ADAM22: variants seen among roughly 807,000 people sequenced by gnomAD.
The protein encoded by ADAM22 is ADAM metallopeptidase domain 22, also known as disintegrin and metalloproteinase domain-containing protein 22.
ADAM22 carries 65 observed loss-of-function variants against 144.6 expected under a neutral mutation model. The observed-to-expected ratio is 0.45, with a 90% CI of 0.37 to 0.55. The LOEUF (loss-of-function observed/expected upper bound fraction) is 0.55. ADAM22 is among the 20% of genes least tolerant of loss of function. The probability of loss-of-function intolerance (pLI) is 0.00; values close to 1 mark genes in which losing one functional copy is unlikely to be tolerated. For synonymous variants in ADAM22, 391 were observed against 412.6 expected (o/e 0.95, Z 0.63); for missense variants, 974 against 1,184.9 (o/e 0.82, Z 2.61).
chr7:87,963,661 T>C (rs1369342060), intron 2 of ADAM22, among the ~76,000 whole-genome samples: 1 of 152,116 alleles, frequency 6.6e-6, no homozygotes, highest in Non-Finnish European at 1.5e-5. Flanking sequence ...GCACAGAACA[T>C]GAAGAAAACA....
chr7:88,182,874 T>C (rs2129538378), intron 29 of ADAM22, among the ~76,000 whole-genome samples: 1 of 152,286 alleles, frequency 6.6e-6, no homozygotes, highest in South Asian at 2.1e-4. Context: ...TTTTACTTAT[T>C]TCTCACTCTA....
At chr7:88,086,240 T>C (rs772614273) in intron 4 of ADAM22, among the ~76,000 whole-genome samples, 2 of 152,194 alleles carry the variant, frequency 1.3e-5, no homozygotes, top group Non-Finnish European at 2.9e-5. Context: ...CCTTGCAATT[T>C]ATTTGTTGAA....
At position 88,076,548 on chromosome 7, in the gene ADAM22, T is replaced by G. The variant is rs148369029; in HGVS notation, c.390+856T>G. Reference sequence around the variant, plus strand: ...CCACCCCACACCTCCACCAGTAAAATGTAAAATTGTTAGATCTACAGGAGA... The same window carrying G: ...CCACCCCACACCTCCACCAGTAAAAGGTAAAATTGTTAGATCTACAGGAGA... On this transcript the variant is annotated intron_variant, in intron 4 of 31. Coordinates refer to ENST00000413139, the MANE Select transcript of ADAM22 (RefSeq NM_001324418.2). Among the ~76,000 whole-genome samples, 190 of 135,038 alleles carry G rather than the reference T, an allele frequency of 1.4e-3. 3 individuals carry two copies. The highest frequency in any genetic ancestry group is 5.1e-3 in the African/African-American group (182 of 35,916). 88.6% of individuals were successfully genotyped at this position (135,038 alleles called of 152,430 possible).
chr7:88,185,513 A>T (rs1310916520), intron 29 of ADAM22, among the ~76,000 whole-genome samples: 2 of 152,212 alleles, frequency 1.3e-5, no homozygotes, highest in Non-Finnish European at 2.9e-5. Context: ...CTTACGTTTT[A>T]TAGAGCTTGA....
chr7:88,146,354 G>A (rs573578181), intron 17 of ADAM22, among the ~76,000 whole-genome samples: 1 of 152,274 alleles, frequency 6.6e-6, no homozygotes, highest in South Asian at 2.1e-4. Context: ...AAGGAGGATG[G>A]GATATGAAAC....
chr7:88,039,464 A>AAAAAAAAAAAATAT lies in ADAM22; in HGVS notation c.324-36161_324-36160insAAAAAAAAAATATA. Among the ~76,000 whole-genome samples, 118 of 76,368 alleles carry AAAAAAAAAAAATAT rather than the reference A, an allele frequency of 1.5e-3. 2 individuals carry two copies. Among genetic ancestry groups the AAAAAAAAAAAATAT allele is most frequent in the East Asian group, 6.4e-3 (12 of 1,886 alleles). 50.1% of individuals were successfully genotyped at this position (76,368 alleles called of 152,430 possible). The stretch of plus-strand genomic sequence containing the variant: ...GATTCTGTCTCAAAAAAAAAAAAAA[A>AAAAAAAAAAAATAT]ATATATATATATATATATATACATT... On this transcript the variant is annotated intron_variant, in intron 3 of 31. Coordinates refer to ENST00000413139, the MANE Select transcript of ADAM22 (RefSeq NM_001324418.2).
At chr7:87,936,990 C>T (rs1326794638) in intron 2 of ADAM22, among the ~76,000 whole-genome samples, 1 of 152,112 alleles carries the variant, frequency 6.6e-6, no homozygotes, top group East Asian at 1.9e-4. Context: ...GGGTCTCACT[C>T]TGTCACCCAG....
chr7:88,191,598 C>T lies in ADAM22; in HGVS notation c.2751-1518C>T, dbSNP rs548833655. Reference sequence around the variant, plus strand: ...AATTTGTTTCTTAAAGATCATAGTCCTATTTAAAGTGTTTTTCTAAAATAA... The same window carrying T: ...AATTTGTTTCTTAAAGATCATAGTCTTATTTAAAGTGTTTTTCTAAAATAA... On this transcript the variant is annotated intron_variant, in intron 30 of 31. Coordinates refer to ENST00000413139, the MANE Select transcript of ADAM22 (RefSeq NM_001324418.2). Among the ~76,000 whole-genome samples, 3 of 152,122 alleles carry T rather than the reference C, an allele frequency of 2.0e-5. No individual in the cohort carries two copies. The East Asian group carries it at 5.8e-4, about 29-fold the overall frequency.
intron 3 of ADAM22, among the ~76,000 whole-genome samples, chr7:88,000,300 A>G (rs1208339290): frequency 5.9e-5 from 9 of 152,222 alleles, no homozygotes; most frequent in Admixed American, 5.2e-4. Flanking sequence ...AGATAAAAAT[A>G]TACATCAATT....
intron 3 of ADAM22, among the ~76,000 whole-genome samples, chr7:88,045,924 GTGTGTGTGTA>G (rs1243098274): frequency 2.0e-5 from 3 of 150,984 alleles, no homozygotes; most frequent in Non-Finnish European, 2.9e-5. Flanking sequence ...GTGTGTGTGT[GTGTGTGTGTA>G]TGTCACCCTG....
chr7:88,041,460 T>C (rs1331930415), intron 3 of ADAM22, among the ~76,000 whole-genome samples: 1 of 151,662 alleles, frequency 6.6e-6, no homozygotes, highest in Non-Finnish European at 1.5e-5. Flanking sequence ...ATATTTTATA[T>C]ATATAAAAAT....
chr7:88,150,021 G>A (rs1483209617), intron 18 of ADAM22, among the ~76,000 whole-genome samples: 2 of 152,184 alleles, frequency 1.3e-5, no homozygotes, highest in African/African-American at 4.8e-5. Context: ...ATATCCCTGA[G>A]AGATGTGAAG....
At chr7:87,984,914 C>A (rs572225789) in intron 3 of ADAM22, among the ~76,000 whole-genome samples, 3 of 152,020 alleles carry the variant, frequency 2.0e-5, no homozygotes, top group Non-Finnish European at 4.4e-5. Flanking sequence ...CTCAAGTGAT[C>A]GCCTGCCTCA....
At chr7:88,170,594 A>C (rs1014251975) in intron 25 of ADAM22, among the ~76,000 whole-genome samples, 1 of 152,028 alleles carries the variant, frequency 6.6e-6, no homozygotes. Context: ...AGGATGAAAA[A>C]TAATAACAAA....
At chr7:87,935,222 C>A in intron 2 of ADAM22, 36 bp downstream of exon 2, 1 of 1,531,792 alleles carries the variant, frequency 6.5e-7, no homozygotes. Context: ...TCCTCCGCGC[C>A]TCCCGGCCCA....
chr7:88,083,751 G>A (rs934674564), intron 4 of ADAM22, among the ~76,000 whole-genome samples: 2 of 151,914 alleles, frequency 1.3e-5, no homozygotes, highest in South Asian at 2.1e-4. Context: ...TCTTGTAAGC[G>A]ACCTAGATGT....
intron 3 of ADAM22, among the ~76,000 whole-genome samples, chr7:88,066,523 G>A (rs1222262779): frequency 6.6e-6 from 1 of 152,102 alleles, no homozygotes; most frequent in Non-Finnish European, 1.5e-5. Flanking sequence ...TATATAGTTG[G>A]ATATATGATT....
intron 4 of ADAM22, among the ~76,000 whole-genome samples, chr7:88,091,953 A>C: frequency 6.7e-6 from 1 of 149,460 alleles, no homozygotes; most frequent in Non-Finnish European, 1.5e-5. Flanking sequence ...AGACTCCCCC[A>C]CCCCCCGCTT....
At chr7:88,162,470 A>G (rs1184485623) in intron 22 of ADAM22, among the ~76,000 whole-genome samples, 1 of 152,068 alleles carries the variant, frequency 6.6e-6, no homozygotes, top group Non-Finnish European at 1.5e-5. Flanking sequence ...CTGCACATGT[A>G]CCCCTGAACA....
Sources: allele counts gnomAD v4.1 joint callset (sites outside exome capture counted in the v4.1 genomes callset), GRCh38; gene constraint gnomAD v4.1.1; transcripts MANE v1.5; gene names NCBI Gene and HGNC (gene_info 2026-07-23, HGNC 2026-07-21).